RAD54L: variants seen among roughly 807,000 people sequenced by gnomAD.
RAD54L encodes the protein RAD54 like.
Under a neutral mutation model 91.6 loss-of-function variants are expected in RAD54L, and 74 were observed. That is an observed-to-expected ratio of 0.81 (90% CI 0.67 to 0.98). RAD54L has a LOEUF of 0.98. Ranked by LOEUF, RAD54L falls within the 50% of genes least tolerant of loss-of-function variation. The pLI is 0.00. For missense variants in RAD54L, 887 were observed against 945.7 expected, an observed-to-expected ratio of 0.94 and a Z score of 0.81; for synonymous variants, 304 against 349.7, an observed-to-expected ratio of 0.87 and a Z score of 1.46.
chr1:46,267,771 G>C (rs1322762357), intron 9 of RAD54L, 162 bp downstream of exon 9: 1 of 992,230 alleles, frequency 1.0e-6, no homozygotes, highest in Non-Finnish European at 1.5e-6. Context: ...AAAGCCATTG[G>C]GAGGCCTTGG....
At position 46,248,177 on chromosome 1, in the gene RAD54L, C is replaced by A. The variant is rs1004761100; in HGVS notation, c.-229C>A. 15 of 652,520 alleles carry A rather than the reference C, an allele frequency of 2.3e-5. No individual in the cohort carries two copies. In the African/African-American group the frequency reaches 2.5e-4, roughly 11 times the overall value. 40.4% of individuals were successfully genotyped at this position (652,520 alleles called of 1,614,324 possible). A position where few individuals can be genotyped will look rare whatever the true frequency, so the allele number is the denominator to read the frequency against. On this transcript the variant is annotated 5_prime_UTR_variant, in exon 1 of 18. Coordinates refer to ENST00000371975, the MANE Select transcript of RAD54L (RefSeq NM_003579.4). The stretch of plus-strand genomic sequence containing the variant: ...CTCTGCTTGGTCTCTTCCTCTTTGG[C>A]CTAATCTCTCGTCTCGGCTTATTGG...
Position 46,270,761 on chromosome 1 carries a change from G to A in RAD54L, c.1145G>A (p.Arg382Gln), listed in dbSNP as rs751417601. The A allele has an allele frequency of 1.1e-5, 17 of 1,614,018 alleles. No homozygotes were observed. Among genetic ancestry groups the A allele is most frequent in the Middle Eastern group, 1.6e-4 (1 of 6,084 alleles). ...AGGCAGCTAGGAGAGGAGCGGCTGC[G>A]GGAGCTCACCAGCATTGTGAATAGG... Reference protein sequence around the residue: ...ADRQLGEERLRELTSIVNRCL... With the variant: ...ADRQLGEERLQELTSIVNRCL... Residue 382 changes from arginine (R) to glutamine (Q), a missense_variant, in exon 10 of 18, where the codon CGG (arginine) becomes CAG (glutamine). Transcript: ENST00000371975.
At chr1:46,251,293 C>A (rs1317187892) in intron 3 of RAD54L, among the ~76,000 whole-genome samples, 1 of 152,080 alleles carries the variant, frequency 6.6e-6, no homozygotes, top group Non-Finnish European at 1.5e-5. Flanking sequence ...GCCTGGGCGA[C>A]AAGAGTGAAA....
chr1:46,257,001 A>G (rs1319694697), intron 3 of RAD54L, among the ~76,000 whole-genome samples: 1 of 151,996 alleles, frequency 6.6e-6, no homozygotes, highest in Non-Finnish European at 1.5e-5. Flanking sequence ...AAAATTAGCT[A>G]GGTGTGGTGG....
chr1:46,273,979 T>G lies in RAD54L; in HGVS notation c.1611-159T>G, dbSNP rs560730250. Among the ~76,000 whole-genome samples, 3 of 152,280 alleles carry G rather than the reference T, an allele frequency of 2.0e-5. No individual in the cohort carries two copies. The East Asian group carries it at 5.8e-4, about 29-fold the overall frequency. On this transcript the variant is annotated intron_variant, in intron 14 of 17. Transcript: ENST00000371975. ...GGCCTCTAGCTCCCTGCCCCTGCCT[T>G]TGGGAGCTTAGGGCCTCAAGCATGG...
chr1:46,254,690 A>G (rs2148281222), intron 3 of RAD54L, among the ~76,000 whole-genome samples: 1 of 148,676 alleles, frequency 6.7e-6, no homozygotes, highest in South Asian at 2.1e-4. Context: ...AGGCTCGGGT[A>G]TTGCTGCCAC....
chr1:46,260,139 G>C (rs1182076055), intron 5 of RAD54L, 40 bp downstream of exon 5: 1 of 1,613,270 alleles, frequency 6.2e-7, no homozygotes, highest in Non-Finnish European at 8.5e-7. Flanking sequence ...TTGGTTCTCT[G>C]TATATGCACG....
In RAD54L at chr1:46,272,677, C is replaced by G. The variant is rs765297873; in HGVS notation, c.1250C>G (p.Thr417Arg). The G allele has an allele frequency of 2.5e-6, 4 of 1,614,052 alleles. No homozygotes were observed. The African/African-American group carries it at 5.3e-5, about 22-fold the overall frequency. The change falls in exon 12 of 18, where the codon ACA becomes AGA. Residue 417 changes from threonine (T) to arginine (R), a missense_variant. Coordinates refer to ENST00000371975, the MANE Select transcript of RAD54L (RefSeq NM_003579.4). ...KIEQVVCCRL[T>R]PLQTELYKRF... ...GACCCAGCTGCCTTTTTTAGGCTGACACCCCTTCAGACTGAGTTATACAAG... is the reference window on the plus strand; with the variant it reads ...GACCCAGCTGCCTTTTTTAGGCTGAGACCCCTTCAGACTGAGTTATACAAG...
intron 3 of RAD54L, 150 bp from the exon 4 acceptor site, chr1:46,258,536 G>A: frequency 1.4e-6 from 1 of 693,514 alleles, no homozygotes; most frequent in Non-Finnish European, 2.6e-6. Flanking sequence ...CTGAGGCTGG[G>A]CCCTTCTGCT....
intron 10 of RAD54L, 64 bp downstream of exon 10, chr1:46,270,849 G>C: frequency 6.2e-7 from 1 of 1,606,062 alleles, no homozygotes; most frequent in Non-Finnish European, 8.5e-7. Flanking sequence ...ATCCTTTGGG[G>C]GCTTTGCCTC....
At chr1:46,273,515 G>A (rs1281221724) in intron 13 of RAD54L, 50 bp downstream of exon 13, 2 of 1,608,960 alleles carry the variant, frequency 1.2e-6, no homozygotes. Context: ...GAGGGTGGGA[G>A]ATTTTTTTTT....
chr1:46,256,425 CAT>C (rs914074471), intron 3 of RAD54L, among the ~76,000 whole-genome samples: 43 of 152,154 alleles, frequency 2.8e-4, no homozygotes, highest in African/African-American at 1.0e-3. Flanking sequence ...CATTGCTATT[CAT>C]AGTTACAGTC....
In RAD54L at chr1:46,250,069, C is replaced by A. The variant is rs762922483; in HGVS notation, c.160C>A (p.Pro54Thr). The A allele has an allele frequency of 4.3e-6, 7 of 1,614,010 alleles. No homozygotes were observed. The highest frequency in any genetic ancestry group is 5.9e-6 in the Non-Finnish European group (7 of 1,180,034). Reference protein sequence around the residue: ...QECFLSPFRKPLSQLTNQPPC... With the variant: ...QECFLSPFRKTLSQLTNQPPC... ...GTGTTTCCTGTCTCCTTTTCGGAAACCTTTGAGTCAGCTAACCAATCAACC... is the reference window on the plus strand; with the variant it reads ...GTGTTTCCTGTCTCCTTTTCGGAAAACTTTGAGTCAGCTAACCAATCAACC... Residue 54 changes from proline to threonine, a missense_variant, in exon 3 of 18, where the codon CCT (proline) becomes ACT (threonine). Physicochemically the swap from Pro to Thr is conservative, Grantham distance 38 (BLOSUM62 -1). Transcript: ENST00000371975.
chr1:46,248,086 C>T lies in RAD54L; in HGVS notation c.-320C>T, dbSNP rs78913597. Reference sequence around the variant, plus strand: ...CTCCTCCCTTCACCCGGACTGGGACCATCATCCCCACTCCACTCCGCCCAG... The same window carrying T: ...CTCCTCCCTTCACCCGGACTGGGACTATCATCCCCACTCCACTCCGCCCAG... On this transcript the variant is annotated 5_prime_UTR_variant, in exon 1 of 18. Coordinates refer to ENST00000371975, the MANE Select transcript of RAD54L (RefSeq NM_003579.4). 239 of 444,466 alleles carry T rather than the reference C, an allele frequency of 5.4e-4. 2 individuals carry two copies. The East Asian group carries it at 8.0e-3, about 15-fold the overall frequency. 27.5% of individuals were successfully genotyped at this position (444,466 alleles called of 1,614,324 possible).
In RAD54L at chr1:46,255,830, C is replaced by T. The variant is rs78273826; in HGVS notation, c.211-2856C>T. On this transcript the variant is annotated intron_variant, in intron 3 of 17. Coordinates refer to ENST00000371975, the MANE Select transcript of RAD54L (RefSeq NM_003579.4). ...CCATTTTGCAGGCTGAGCCCTCAGA[C>T]ATTTTTGGCCAGGGGTCTCCACATT... Among the ~76,000 whole-genome samples, 1,085 of 152,106 alleles carry T rather than the reference C, an allele frequency of 7.1e-3. 13 individuals carry two copies. The highest frequency in any genetic ancestry group is 0.034 in the Middle Eastern group (10 of 292).
rs1199608970 is a variant in RAD54L at position 46,274,212 on chromosome 1, C to T, written c.1685C>T (p.Pro562Leu). ...AAGGTTGTAGAACGCTTCAATAGTC[C>T]ATCGGTAAATGCACATCCCCGTCCC... ...RAKVVERFNS[P>L]SSPDFVFMLS... The change falls in exon 15 of 18, where the codon CCA (proline) becomes CTA (leucine). Residue 562 changes from proline (P) to leucine (L), a missense_variant. Transcript: ENST00000371975. 6.2e-7 allele frequency: 1 copy of T among 1,610,952 alleles called. No individual in the cohort carries two copies. Among genetic ancestry groups the T allele is most frequent in the African/African-American group, 1.3e-5 (1 of 74,820 alleles).
intron 5 of RAD54L, among the ~76,000 whole-genome samples, 188 bp from the exon 6 acceptor site, chr1:46,260,354 C>T (rs1304007440): frequency 1.3e-5 from 2 of 152,058 alleles, no homozygotes; most frequent in Non-Finnish European, 2.9e-5. Context: ...ACAGGGAACC[C>T]ATCCCTCTCT....
chr1:46,273,981 G>T (rs1443977870), intron 14 of RAD54L, among the ~76,000 whole-genome samples, 157 bp from the exon 15 acceptor site: 1 of 152,108 alleles, frequency 6.6e-6, no homozygotes, highest in Admixed American at 6.5e-5. Context: ...CCCTGCCTTT[G>T]GGAGCTTAGG....
chr1:46,274,072 A>G, intron 14 of RAD54L, 66 bp from the exon 15 acceptor site: 1 of 1,488,934 alleles, frequency 6.7e-7, no homozygotes, highest in Non-Finnish European at 9.3e-7. Flanking sequence ...AAAAATTTTT[A>G]TTTTTAATTT....
Sources: allele counts gnomAD v4.1 joint callset (sites outside exome capture counted in the v4.1 genomes callset), GRCh38; gene constraint gnomAD v4.1.1; transcripts MANE v1.5; gene names NCBI Gene and HGNC (gene_info 2026-07-23, HGNC 2026-07-21).